Variants in TSHZ2 observed in about 807,000 individuals in gnomAD.
TSHZ2 encodes teashirt zinc finger homeobox 2.
A neutral mutation model predicts 74.4 loss-of-function variants in TSHZ2; 21 were observed. That is an observed-to-expected ratio of 0.28 (90% CI 0.20 to 0.41). The LOEUF (loss-of-function observed/expected upper bound fraction) is 0.41. TSHZ2 is among the 10% of genes least tolerant of loss of function. TSHZ2 has a pLI of 1.00. For synonymous variants in TSHZ2, 540 were observed against 515.3 expected (o/e 1.05, Z -0.65); for missense variants, 1,244 against 1,293.5 (o/e 0.96, Z 0.59).
intron 2 of TSHZ2, among the ~76,000 whole-genome samples, chr20:53,338,468 A>G (rs1480579206): frequency 6.6e-6 from 1 of 152,224 alleles, no homozygotes; most frequent in Non-Finnish European, 1.5e-5. Context: ...TTATGATTAA[A>G]TAACTTGTCC....
At chr20:53,174,216 C>G (rs914228124) in intron 1 of TSHZ2, among the ~76,000 whole-genome samples, 1 of 152,116 alleles carries the variant, frequency 6.6e-6, no homozygotes, top group African/African-American at 2.4e-5. Flanking sequence ...GTGCGCCCAG[C>G]CAGAAGCTGA....
chr20:53,213,750 T>C (rs1989369892), intron 1 of TSHZ2, among the ~76,000 whole-genome samples: 1 of 151,532 alleles, frequency 6.6e-6, no homozygotes, highest in African/African-American at 2.4e-5. Flanking sequence ...ACCAACTTCA[T>C]GGTTGCTCTT....
At chr20:53,236,774 A>G (rs1989948787) in intron 1 of TSHZ2, among the ~76,000 whole-genome samples, 1 of 152,238 alleles carries the variant, frequency 6.6e-6, no homozygotes, top group South Asian at 2.1e-4. Flanking sequence ...AAGGCAAAGG[A>G]GAAGCAAACA....
At chr20:53,248,892 G>A (rs1194765586) in intron 1 of TSHZ2, among the ~76,000 whole-genome samples, 1 of 152,150 alleles carries the variant, frequency 6.6e-6, no homozygotes, top group Non-Finnish European at 1.5e-5. Flanking sequence ...AGGCTGGAGT[G>A]CAGTGGCAGA....
At chr20:53,347,218 G>C (rs750556166) in intron 2 of TSHZ2, among the ~76,000 whole-genome samples, 1 of 152,170 alleles carries the variant, frequency 6.6e-6, no homozygotes, top group Non-Finnish European at 1.5e-5. Context: ...GGTCTCCTGT[G>C]CACTGTAAGT....
chr20:53,174,531 G>T (rs1988278639), intron 1 of TSHZ2, among the ~76,000 whole-genome samples: 1 of 152,314 alleles, frequency 6.6e-6, no homozygotes, highest in African/African-American at 2.4e-5. Flanking sequence ...TGCTAACTGT[G>T]TGCCTTGTAG....
At chr20:53,147,544 CAT>C (rs1987571206) in intron 1 of TSHZ2, among the ~76,000 whole-genome samples, 1 of 152,138 alleles carries the variant, frequency 6.6e-6, no homozygotes, top group Non-Finnish European at 1.5e-5. Flanking sequence ...TTAATAATGT[CAT>C]GTCATAATAT....
intron 2 of TSHZ2, among the ~76,000 whole-genome samples, chr20:53,328,351 A>G (rs372836130): frequency 1.1e-4 from 17 of 152,352 alleles, no homozygotes; most frequent in African/African-American, 4.1e-4. Flanking sequence ...GCAGCAGGAT[A>G]TGTATAAATC....
chr20:53,223,393 CATTTATTT>C, intron 1 of TSHZ2, among the ~76,000 whole-genome samples: 1 of 152,040 alleles, frequency 6.6e-6, no homozygotes. Flanking sequence ...TGACCCACTC[CATTTATTT>C]ATTTATTTGA....
At chr20:53,277,018 C>T (rs902520434) in intron 2 of TSHZ2, among the ~76,000 whole-genome samples, 2 of 152,108 alleles carry the variant, frequency 1.3e-5, no homozygotes, top group African/African-American at 4.8e-5. Context: ...AATAGAGAAG[C>T]AAAACAAGGA....
chr20:53,255,131 T>C lies in TSHZ2; in HGVS notation c.1673T>C (p.Leu558Ser). 7 of 1,614,166 alleles carry C rather than the reference T, an allele frequency of 4.3e-6. No individual in the cohort carries two copies. Among genetic ancestry groups the C allele is most frequent in the Non-Finnish European group, 5.9e-6 (7 of 1,180,036 alleles). Residue 558 changes from leucine to serine, a missense_variant, in exon 2 of 3, where the codon TTG becomes TCG. By Grantham distance (145) the Leu-to-Ser change is moderately radical (BLOSUM62 -2). This residue lies in a region of TSHZ2 where 562 missense variants were observed against 544.0 expected (regional missense o/e 1.03). Coordinates refer to ENST00000371497, the MANE Select transcript of TSHZ2 (RefSeq NM_173485.6). The surrounding 1 kb of genome is among the most constrained non-coding windows in gnomAD (Gnocchi z 4.1). The part of the protein sequence containing the change: ...YQLSEGTKPP[L>S]PMGSQVLQIR... ...CTGTCTGAGGGCACCAAGCCGCCTT[T>C]GCCTATGGGATCCCAGGTACTGCAG... is the stretch of plus-strand genomic sequence containing the variant.
At chr20:53,240,857 G>A (rs1990052866) in intron 1 of TSHZ2, among the ~76,000 whole-genome samples, 1 of 151,910 alleles carries the variant, frequency 6.6e-6, no homozygotes, top group Non-Finnish European at 1.5e-5. Flanking sequence ...AAAAGCAAGG[G>A]AAAATAACCC....
At position 52,972,852 on chromosome 20, in the gene TSHZ2, C is replaced by T. The variant is rs1353349145; in HGVS notation, c.-442C>T. The stretch of plus-strand genomic sequence containing the variant: ...TTTTTTTTTTCCTTATCTTTACGCG[C>T]GAGTGTGCCTGTGGCGCGTGTGCGC... On this transcript the variant is annotated 5_prime_UTR_variant, in exon 1 of 3. Coordinates refer to ENST00000371497, the MANE Select transcript of TSHZ2 (RefSeq NM_173485.6). 19 of 205,428 alleles carry T rather than the reference C, an allele frequency of 9.2e-5. No individual in the cohort carries two copies. The highest frequency in any genetic ancestry group is 5.0e-4 in the Admixed American group (8 of 16,082). 12.7% of individuals were successfully genotyped at this position (205,428 alleles called of 1,614,324 possible).
intron 1 of TSHZ2, among the ~76,000 whole-genome samples, chr20:53,012,008 C>T (rs536101956): frequency 1.2e-4 from 19 of 152,284 alleles, no homozygotes; most frequent in African/African-American, 4.6e-4. Context: ...GGGTCTTATG[C>T]TAGTCAGTGA....
intron 1 of TSHZ2, among the ~76,000 whole-genome samples, chr20:53,163,738 T>C (rs1354191077): frequency 6.6e-6 from 1 of 152,020 alleles, no homozygotes; most frequent in Non-Finnish European, 1.5e-5. Flanking sequence ...AACTTAGGAG[T>C]GGACTCTTCA....
intron 2 of TSHZ2, among the ~76,000 whole-genome samples, chr20:53,289,869 A>T (rs574335419): frequency 2.0e-5 from 3 of 152,334 alleles, no homozygotes; most frequent in African/African-American, 7.2e-5. Context: ...TGAGTGCAAA[A>T]GACTATTAAT....
At chr20:53,430,239 GGACTAC>G (rs1253999938) in intron 2 of TSHZ2, among the ~76,000 whole-genome samples, 1 of 151,768 alleles carries the variant, frequency 6.6e-6, no homozygotes, top group East Asian at 1.9e-4. Context: ...CGAGAAGCTG[GGACTAC>G]AGGCTCCCTC....
intron 2 of TSHZ2, among the ~76,000 whole-genome samples, chr20:53,274,570 C>T (rs1990903664): frequency 1.3e-5 from 2 of 152,190 alleles, no homozygotes; most frequent in South Asian, 4.1e-4. Context: ...AGTTTGCCAG[C>T]AGAGAGTTCT....
intron 1 of TSHZ2, among the ~76,000 whole-genome samples, chr20:53,014,893 C>A (rs1221867275): frequency 6.6e-6 from 1 of 152,146 alleles, no homozygotes; most frequent in Non-Finnish European, 1.5e-5. Context: ...TGAATGGATA[C>A]ATTTTGTAAT....
Sources: allele counts gnomAD v4.1 joint callset (sites outside exome capture counted in the v4.1 genomes callset), GRCh38; gene constraint gnomAD v4.1.1; regional missense constraint gnomAD v4.1.1; non-coding constraint Gnocchi (gnomAD v3.1); transcripts MANE v1.5; gene names NCBI Gene and HGNC (gene_info 2026-07-23, HGNC 2026-07-21).